ERC2: variants seen among roughly 807,000 people sequenced by gnomAD.
ERC2 encodes ELKS/RAB6-interacting/CAST family member 2.
ERC2 carries 42 observed loss-of-function variants against 114.8 expected under a neutral mutation model. That is an observed-to-expected ratio of 0.37 (90% CI 0.29 to 0.47). The LOEUF (loss-of-function observed/expected upper bound fraction) is 0.47. Ranked by LOEUF, ERC2 falls within the 20% of genes least tolerant of loss-of-function variation. The probability of loss-of-function intolerance (pLI) is 0.99; values close to 1 mark genes in which losing one functional copy is unlikely to be tolerated. For missense variants in ERC2, 939 were observed against 1,150.7 expected, an observed-to-expected ratio of 0.82 and a Z score of 2.66; for synonymous variants, 454 against 425.5, an observed-to-expected ratio of 1.07 and a Z score of -0.82.
chr3:55,561,133 C>T (rs144896263), intron 17 of ERC2, among the ~76,000 whole-genome samples: 70 of 149,688 alleles, frequency 4.7e-4, no homozygotes, highest in Non-Finnish European at 7.7e-4. Flanking sequence ...AGAAAGCTCA[C>T]CAAACTACTG....
At chr3:55,910,453 CATT>C (rs2064735970) in intron 13 of ERC2, among the ~76,000 whole-genome samples, 1 of 151,790 alleles carries the variant, frequency 6.6e-6, no homozygotes, top group Non-Finnish European at 1.5e-5. Flanking sequence ...AAAAACAAAA[CATT>C]AATGTGTGTA....
rs533439706 is a variant in ERC2 at position 55,880,803 on chromosome 3, G to A, written c.2564+7586C>T. ...ATAGTATTATAGCAAAAAAAAAAAA[G>A]AAAAAAAAGAAATTCTTGAATGGAG... On this transcript the variant is annotated intron_variant, in intron 14 of 17. Transcript: ENST00000288221. 1.2e-4 allele frequency among the ~76,000 whole-genome samples: 17 copies of A among 147,568 alleles called. 1 individual carries two copies. The highest frequency in any genetic ancestry group is 4.3e-4 in the South Asian group (2 of 4,606).
chr3:55,822,222 C>T (rs534511434), intron 14 of ERC2, among the ~76,000 whole-genome samples: 7 of 152,280 alleles, frequency 4.6e-5, no homozygotes, highest in South Asian at 4.1e-4. Flanking sequence ...GTGAACTTGG[C>T]ATAGCGTTAG....
intron 3 of ERC2, among the ~76,000 whole-genome samples, chr3:56,223,643 C>G (rs1016119024): frequency 1.7e-4 from 26 of 151,846 alleles, no homozygotes; most frequent in African/African-American, 6.0e-4. Context: ...TTTAAAATCC[C>G]TGCTTCTTGG....
rs552984587 is a variant in ERC2, at chr3:56,098,279, G to A, written c.1474-17295C>T. Among the ~76,000 whole-genome samples, 5 of 152,304 alleles carry A rather than the reference G, an allele frequency of 3.3e-5. No homozygotes were observed. In the South Asian group the frequency reaches 1.0e-3, roughly 32 times the overall value. ...TCCTTTATAAACCATACGAATAGCAGAATTTGAGTCTTTTAAGAAGCAGTC... is the reference window on the plus strand; with the variant it reads ...TCCTTTATAAACCATACGAATAGCAAAATTTGAGTCTTTTAAGAAGCAGTC... On this transcript the variant is annotated intron_variant, in intron 6 of 17. Transcript: ENST00000288221.
chr3:55,612,013 A>T (rs2058926317), intron 17 of ERC2, among the ~76,000 whole-genome samples: 3 of 151,924 alleles, frequency 2.0e-5, no homozygotes, highest in Non-Finnish European at 4.4e-5. Context: ...CTCAGGGTAC[A>T]CTCTTCCTGG....
intron 2 of ERC2, among the ~76,000 whole-genome samples, chr3:56,423,031 T>C (rs1468614416): frequency 6.6e-6 from 1 of 152,236 alleles, no homozygotes; most frequent in East Asian, 1.9e-4. Flanking sequence ...TCCATTTCCT[T>C]ACAAGATTGA....
rs2080725191 is a variant in ERC2 at position 56,139,554 on chromosome 3, C to T, written c.1428G>A (p.Glu476=). 2 of 1,613,872 alleles carry T rather than the reference C, an allele frequency of 1.2e-6. No homozygotes were observed. Among genetic ancestry groups the T allele is most frequent in the East Asian group, 2.2e-5 (1 of 44,886 alleles). ...DCKQHIEVLK[E]SLTAKEQRAA... ...CCCTCTGTTCTTTGGCAGTAAGTGA[C>T]TCTTTGAGCACTTCAATGTGTTGCT... Residue 476 remains glutamate (E), a synonymous_variant, in exon 6 of 18, where the codon GAG becomes GAA. Coordinates refer to ENST00000288221, the MANE Select transcript of ERC2 (RefSeq NM_015576.3).
intron 2 of ERC2, among the ~76,000 whole-genome samples, chr3:56,381,840 A>G (rs932682583): frequency 2.6e-5 from 4 of 152,116 alleles, no homozygotes; most frequent in Non-Finnish European, 5.9e-5. Flanking sequence ...AGCTCTGTAT[A>G]TCCCAGAATC....
chr3:56,081,648 C>A (rs2149759334), intron 6 of ERC2, among the ~76,000 whole-genome samples: 1 of 152,012 alleles, frequency 6.6e-6, no homozygotes, highest in East Asian at 1.9e-4. Flanking sequence ...ATAATTCCTG[C>A]TTTCAAATGT....
chr3:56,160,631 T>C (rs1331089377), intron 4 of ERC2, among the ~76,000 whole-genome samples: 1 of 152,204 alleles, frequency 6.6e-6, no homozygotes, highest in Non-Finnish European at 1.5e-5. Context: ...AAATATTTAA[T>C]CCATCTTGAA....
intron 17 of ERC2, among the ~76,000 whole-genome samples, chr3:55,675,870 A>G (rs557244321): frequency 7.1e-6 from 1 of 141,784 alleles, no homozygotes. Flanking sequence ...GCATCGTTTA[A>G]AAACCCTTTC....
chr3:56,018,359 ACC>A lies in ERC2; in HGVS notation c.1779+533_1779+534del, dbSNP rs2073452413. On this transcript the variant is annotated intron_variant, in intron 8 of 17. Transcript: ENST00000288221. The stretch of plus-strand genomic sequence containing the variant: ...CACAATACAACTTCTCATGAAGCTG[ACC>A]TCTCAGAAGAGGAGGAATTAAATTA... Among the ~76,000 whole-genome samples the A allele has an allele frequency of 2.6e-5, 4 of 152,196 alleles. No homozygotes were observed. The South Asian group carries it at 8.3e-4, about 32-fold the overall frequency.
intron 14 of ERC2, among the ~76,000 whole-genome samples, chr3:55,744,273 G>A (rs756860547): frequency 4.4e-4 from 67 of 152,174 alleles, no homozygotes; most frequent in South Asian, 2.1e-3. Flanking sequence ...GCGTGGTAGC[G>A]GACACCTGTA....
intron 14 of ERC2, among the ~76,000 whole-genome samples, chr3:55,857,524 A>G (rs1028457537): frequency 2.6e-5 from 4 of 152,214 alleles, no homozygotes; most frequent in African/African-American, 9.6e-5. Flanking sequence ...AAAACTTTTT[A>G]TCACCTCCAA....
intron 12 of ERC2, among the ~76,000 whole-genome samples, chr3:55,963,313 G>A (rs1219923134): frequency 2.0e-5 from 3 of 152,224 alleles, no homozygotes; most frequent in African/African-American, 7.2e-5. Flanking sequence ...GAACCTAAGT[G>A]TATCACAATG....
intron 6 of ERC2, among the ~76,000 whole-genome samples, chr3:56,097,576 T>C (rs1421936016): frequency 6.6e-6 from 1 of 152,190 alleles, no homozygotes; most frequent in East Asian, 1.9e-4. Context: ...GAGGCAGTGG[T>C]TTCTTTGTTC....
chr3:56,219,418 G>A (rs2049744251), intron 3 of ERC2, among the ~76,000 whole-genome samples: 1 of 152,034 alleles, frequency 6.6e-6, no homozygotes, highest in Non-Finnish European at 1.5e-5. Flanking sequence ...AGACATCTGG[G>A]GAATGTCTGT....
At chr3:56,432,657 T>C (rs2061843384) in intron 2 of ERC2, among the ~76,000 whole-genome samples, 1 of 152,242 alleles carries the variant, frequency 6.6e-6, no homozygotes, top group African/African-American at 2.4e-5. Context: ...CAAATGCTTC[T>C]ACAGGCGCTT....
Sources: allele counts gnomAD v4.1 joint callset (sites outside exome capture counted in the v4.1 genomes callset), GRCh38; gene constraint gnomAD v4.1.1; transcripts MANE v1.5; gene names NCBI Gene and HGNC (gene_info 2026-07-23, HGNC 2026-07-21).